Variants in TSG101 observed in about 807,000 individuals in gnomAD.
TSG101 encodes the protein tumor susceptibility gene 101 protein.
A neutral mutation model predicts 48.5 loss-of-function variants in TSG101; 19 were observed. That is an observed-to-expected ratio of 0.39 (90% confidence interval 0.27 to 0.58). TSG101 has a LOEUF of 0.58. Among genes scored for constraint, TSG101 ranks in the 20% least tolerant of loss-of-function variants. The probability of loss-of-function intolerance (pLI) is 0.55; values close to 1 mark genes in which losing one functional copy is unlikely to be tolerated. For missense variants in TSG101, 365 were observed against 484.4 expected (o/e 0.75, Z 2.31); for synonymous variants, 174 against 169.4 (o/e 1.03, Z -0.21).
chr11:18,518,947 T>C (rs937017019), intron 2 of TSG101, among the ~76,000 whole-genome samples: 5 of 152,142 alleles, frequency 3.3e-5, no homozygotes, highest in African/African-American at 1.2e-4. Context: ...ATGGACTAAA[T>C]TATCTTTAAC....
chr11:18,493,972 T>C (rs937614146), intron 7 of TSG101, among the ~76,000 whole-genome samples: 1 of 152,146 alleles, frequency 6.6e-6, no homozygotes, highest in African/African-American at 2.4e-5. Flanking sequence ...CTCAGAAAAA[T>C]GCGCTTTACT....
Position 18,480,458 on chromosome 11 carries a change from C to T in TSG101, c.*88G>A. 1.1e-6 allele frequency: 1 copy of T among 945,602 alleles called. No individual in the cohort carries two copies. The highest frequency in any genetic ancestry group is 1.6e-6 in the Non-Finnish European group (1 of 631,230). The allele number at this position is 945,602 out of a possible 1,614,324, so 58.6% of individuals were successfully genotyped here. On this transcript the variant is annotated 3_prime_UTR_variant, in exon 10 of 10. Coordinates refer to ENST00000251968, the MANE Select transcript of TSG101 (RefSeq NM_006292.4). ...AAATATTTTACACTTGAATGATAAA[C>T]TGCAATAACTTATTCTGGGCACCTA...
At chr11:18,490,895 C>T (rs1849690116) in intron 7 of TSG101, 10 of 483,422 alleles carry the variant, frequency 2.1e-5, no homozygotes, top group South Asian at 1.3e-4. Flanking sequence ...ACAGCCATAT[C>T]ATCATAGCGC....
intron 4 of TSG101, 52 bp from the exon 5 acceptor site, chr11:18,509,717 A>T: frequency 6.6e-7 from 1 of 1,518,376 alleles, no homozygotes; most frequent in Non-Finnish European, 8.9e-7. Context: ...TTTCAGTAAA[A>T]AGAAAAAGGT....
At chr11:18,526,636 T>G (rs1395319) in intron 1 of TSG101, 139 bp downstream of exon 1, 365,425 of 994,868 alleles carry the variant, frequency 0.37, 71,359 homozygotes, top group East Asian at 0.7. Flanking sequence ...CGGGGCGGGG[T>G]TCTGAGGAGG....
chr11:18,501,157 A>G (rs1273257517), intron 7 of TSG101, among the ~76,000 whole-genome samples: 3 of 152,168 alleles, frequency 2.0e-5, no homozygotes, highest in Non-Finnish European at 4.4e-5. Context: ...TTTGTTGACT[A>G]TGCTTTTGAG....
rs1276766630 is a variant in TSG101 at position 18,480,365 on chromosome 11, A to AG, written c.*180dup. The AG allele has an allele frequency of 4.5e-6, 2 of 439,596 alleles. No homozygotes were observed. The highest frequency in any genetic ancestry group is 8.0e-6 in the Non-Finnish European group (2 of 250,218). The allele number at this position is 439,596 out of a possible 1,614,324, so 27.2% of individuals were successfully genotyped here. On this transcript the variant is annotated 3_prime_UTR_variant, in exon 10 of 10. Transcript: ENST00000251968. The stretch of plus-strand genomic sequence containing the variant: ...AACATTCAGCACAAAAAGTTTACAG[A>AG]GGATAGAAAGTGCATTAATAAAAGC...
intron 5 of TSG101, 120 bp from the exon 6 acceptor site, chr11:18,507,043 A>G (rs543311074): frequency 1.5e-5 from 9 of 598,930 alleles, no homozygotes; most frequent in Admixed American, 3.2e-5. Flanking sequence ...AAAAAATCCA[A>G]ATCTCAGCAC....
intron 7 of TSG101, among the ~76,000 whole-genome samples, chr11:18,495,250 C>T (rs34670032): frequency 0.017 from 2,647 of 152,190 alleles, 36 homozygotes; most frequent in Non-Finnish European, 0.028. Flanking sequence ...TGGCTTTAAC[C>T]GGGAATAAAC....
intron 7 of TSG101, among the ~76,000 whole-genome samples, chr11:18,495,622 A>C (rs923762684): frequency 6.6e-6 from 1 of 151,898 alleles, no homozygotes; most frequent in Admixed American, 6.6e-5. Flanking sequence ...CAGTAACAGG[A>C]AAAAGAATCT....
chr11:18,483,641 C>T (rs1244371112), intron 8 of TSG101, among the ~76,000 whole-genome samples: 1 of 152,076 alleles, frequency 6.6e-6, no homozygotes, highest in African/African-American at 2.4e-5. Context: ...CGAACTAATA[C>T]AAGGTGCAAA....
intron 1 of TSG101, among the ~76,000 whole-genome samples, chr11:18,523,172 GGT>G (rs1850307083): frequency 6.6e-6 from 1 of 152,160 alleles, no homozygotes. Flanking sequence ...TTGGATTTCA[GGT>G]GTAAGCCCCA....
At chr11:18,504,452 T>A (rs1849937221) in intron 6 of TSG101, among the ~76,000 whole-genome samples, 1 of 152,154 alleles carries the variant, frequency 6.6e-6, no homozygotes, top group Non-Finnish European at 1.5e-5. Context: ...GCATTTTTGT[T>A]CCTAGTGGAC....
chr11:18,512,796 C>T (rs946137293), intron 4 of TSG101, among the ~76,000 whole-genome samples: 2 of 146,724 alleles, frequency 1.4e-5, no homozygotes, highest in Non-Finnish European at 1.5e-5. Context: ...GGTGCGATCT[C>T]GGCTCACTGC....
intron 7 of TSG101, among the ~76,000 whole-genome samples, chr11:18,489,685 G>A (rs1181492347): frequency 2.0e-5 from 3 of 152,164 alleles, no homozygotes; most frequent in Non-Finnish European, 4.4e-5. Context: ...GGACATCTGT[G>A]GTCATGAACT....
At chr11:18,521,392 AG>A (rs1459269026) in intron 1 of TSG101, among the ~76,000 whole-genome samples, 9 of 100,384 alleles carry the variant, frequency 9.0e-5, no homozygotes, top group Non-Finnish European at 1.6e-4. Context: ...TTTTTGAGAT[AG>A]GGTCTCACTC....
chr11:18,484,447 A>G (rs1168922239), intron 7 of TSG101, among the ~76,000 whole-genome samples: 2 of 152,258 alleles, frequency 1.3e-5, no homozygotes. Context: ...GGCCAAGTCC[A>G]ACATCAGGCT....
At chr11:18,518,911 AG>A (rs1219831372) in intron 2 of TSG101, among the ~76,000 whole-genome samples, 1 of 152,186 alleles carries the variant, frequency 6.6e-6, no homozygotes, top group Non-Finnish European at 1.5e-5. Context: ...AGCATAACTA[AG>A]GGTCTACAGA....
intron 7 of TSG101, among the ~76,000 whole-genome samples, chr11:18,496,717 G>A (rs1406618155): frequency 6.6e-6 from 1 of 151,882 alleles, no homozygotes; most frequent in African/African-American, 2.4e-5. Context: ...GATCACCTGA[G>A]CCCAGGAGAT....
Sources: gnomAD v4.1 joint callset for allele counts (sites outside exome capture counted in the v4.1 genomes callset) on GRCh38, gnomAD v4.1.1 for gene constraint, MANE v1.5 for transcripts, NCBI Gene and HGNC (gene_info 2026-07-23, HGNC 2026-07-21) for gene names.